The following FRMD4A variants were observed in gnomAD, a reference collection of about 807,000 sequenced individuals.
FRMD4A encodes FERM domain-containing protein 4A.
A neutral mutation model predicts 129.1 loss-of-function variants in FRMD4A; 29 were observed. The ratio of observed to expected loss-of-function variants is 0.22; its 90% CI spans 0.17 to 0.31. The LOEUF is 0.31. Among genes scored for constraint, FRMD4A ranks in the 10% least tolerant of loss-of-function variants. The pLI, the probability that FRMD4A is intolerant of heterozygous loss-of-function variation, is 1.00. For missense variants in FRMD4A, 1,272 were observed against 1,375.8 expected (o/e 0.92, Z 1.19); for synonymous variants, 634 against 571.6 (o/e 1.11, Z -1.56).
chr10:13,846,225 A>G (rs911212850), intron 3 of FRMD4A, among the ~76,000 whole-genome samples: 1 of 152,242 alleles, frequency 6.6e-6, no homozygotes, highest in Non-Finnish European at 1.5e-5. Context: ...TTCAGGTTCA[A>G]TCTATTAGGT....
chr10:13,738,647 G>C (rs1340528573), intron 11 of FRMD4A, among the ~76,000 whole-genome samples: 1 of 151,942 alleles, frequency 6.6e-6, no homozygotes, highest in Admixed American at 6.6e-5. Context: ...TTGAGATGGA[G>C]TCTCACTCTG....
At chr10:14,249,143 G>A (rs770961950) in intron 2 of FRMD4A, among the ~76,000 whole-genome samples, 1 of 152,108 alleles carries the variant, frequency 6.6e-6, no homozygotes, top group African/African-American at 2.4e-5. Flanking sequence ...CTGAGGTCAG[G>A]AGTTCGAGAC....
chr10:14,015,780 G>T (rs188707992), intron 2 of FRMD4A, among the ~76,000 whole-genome samples: 1 of 151,928 alleles, frequency 6.6e-6, no homozygotes, highest in African/African-American at 2.4e-5. Flanking sequence ...TCTCTTATAC[G>T]GCATATTCTA....
At chr10:14,168,786 C>G (rs565340512) in intron 2 of FRMD4A, among the ~76,000 whole-genome samples, 3 of 152,210 alleles carry the variant, frequency 2.0e-5, no homozygotes, top group Admixed American at 2.0e-4. Context: ...ACATGTTATA[C>G]AGAAAAAAAC....
At chr10:13,858,693 C>A (rs10430802) in intron 3 of FRMD4A, among the ~76,000 whole-genome samples, 154 bp downstream of exon 3, 20,883 of 152,144 alleles carry the variant, frequency 0.14, 1,567 homozygotes, top group Non-Finnish European at 0.17. Flanking sequence ...AGCACACACA[C>A]AAAACACCCT....
At chr10:13,884,395 TG>T (rs2094594680) in intron 2 of FRMD4A, among the ~76,000 whole-genome samples, 1 of 152,206 alleles carries the variant, frequency 6.6e-6, no homozygotes, top group South Asian at 2.1e-4. Flanking sequence ...AAGAACATTA[TG>T]GGGTGATTAC....
chr10:14,195,430 TAA>T (rs11357658), intron 2 of FRMD4A, among the ~76,000 whole-genome samples: 139 of 146,256 alleles, frequency 9.5e-4, no homozygotes, highest in African/African-American at 1.6e-3. Context: ...TTTCTTTCAT[TAA>T]AAAAAAAAAA....
At chr10:13,957,510 C>T (rs1031897766) in intron 2 of FRMD4A, among the ~76,000 whole-genome samples, 5 of 152,178 alleles carry the variant, frequency 3.3e-5, no homozygotes, top group African/African-American at 9.7e-5. Flanking sequence ...CCGCCTCAGC[C>T]TCCCAAAGTG....
At chr10:14,317,947 T>C (rs2132115058) in intron 2 of FRMD4A, among the ~76,000 whole-genome samples, 1 of 152,252 alleles carries the variant, frequency 6.6e-6, no homozygotes, top group African/African-American at 2.4e-5. Flanking sequence ...GGATGTACAC[T>C]CAAAGGACCT....
intron 2 of FRMD4A, among the ~76,000 whole-genome samples, chr10:14,039,655 T>C (rs1179499823): frequency 6.6e-6 from 1 of 152,186 alleles, no homozygotes; most frequent in East Asian, 1.9e-4. Context: ...ATTTCTTCCT[T>C]AGGAAAGGCT....
chr10:14,186,504 C>G (rs1187865862), intron 2 of FRMD4A, among the ~76,000 whole-genome samples: 7 of 152,178 alleles, frequency 4.6e-5, no homozygotes. Flanking sequence ...TCCTGTCTCC[C>G]TGGGAACAAT....
intron 2 of FRMD4A, among the ~76,000 whole-genome samples, chr10:13,924,212 C>A (rs752484088): frequency 3.9e-4 from 59 of 152,174 alleles, no homozygotes; most frequent in Non-Finnish European, 6.6e-4. Context: ...CTCCTTCAGT[C>A]TATTGTCCAT....
intron 4 of FRMD4A, among the ~76,000 whole-genome samples, chr10:13,805,906 T>C (rs986975425): frequency 6.6e-6 from 1 of 151,976 alleles, no homozygotes; most frequent in Non-Finnish European, 1.5e-5. Context: ...TCACCCAGGC[T>C]GGAGTGCGTG....
At chr10:14,275,878 A>G (rs1056886014) in intron 2 of FRMD4A, among the ~76,000 whole-genome samples, 1 of 152,158 alleles carries the variant, frequency 6.6e-6, no homozygotes, top group Non-Finnish European at 1.5e-5. Context: ...ATCTCTACAA[A>G]AAACACAAAA....
At chr10:13,880,463 C>T (rs1020169754) in intron 2 of FRMD4A, among the ~76,000 whole-genome samples, 2 of 152,204 alleles carry the variant, frequency 1.3e-5, no homozygotes, top group African/African-American at 4.8e-5. Context: ...CCAACTCTGC[C>T]CACCTTGCAA....
chr10:13,738,276 G>GA (rs2090766986), intron 11 of FRMD4A, among the ~76,000 whole-genome samples: 3 of 152,134 alleles, frequency 2.0e-5, no homozygotes, highest in Non-Finnish European at 2.9e-5. Flanking sequence ...TCCATGCCGG[G>GA]ATGCTCACTC....
chr10:13,665,039 C>T (rs530954090), intron 18 of FRMD4A, among the ~76,000 whole-genome samples: 5 of 152,244 alleles, frequency 3.3e-5, no homozygotes, highest in African/African-American at 7.2e-5. Context: ...TGCGCCACCA[C>T]GCCTGGCTAA....
chr10:13,669,985 C>T (rs1287901424), intron 17 of FRMD4A, among the ~76,000 whole-genome samples: 1 of 152,200 alleles, frequency 6.6e-6, no homozygotes, highest in African/African-American at 2.4e-5. Context: ...CTCTCCCCAG[C>T]CAATGTACCC....
At chr10:13,751,515 A>G (rs1249613543) in intron 8 of FRMD4A, among the ~76,000 whole-genome samples, 1 of 152,188 alleles carries the variant, frequency 6.6e-6, no homozygotes, top group Non-Finnish European at 1.5e-5. Context: ...TGAAAATCAG[A>G]AAGCTCCCCT....
Sources: allele counts gnomAD v4.1 joint callset (sites outside exome capture counted in the v4.1 genomes callset), GRCh38; gene constraint gnomAD v4.1.1; transcripts MANE v1.5; gene names NCBI Gene and HGNC (gene_info 2026-07-23, HGNC 2026-07-21).